The following ITGA4 variants were observed in gnomAD, a reference collection of about 807,000 sequenced individuals.
The protein encoded by ITGA4 is integrin alpha-4.
In ITGA4, 63 loss-of-function variants were observed where a neutral mutation model predicts 133.6. The observed-to-expected ratio is 0.47, with a 90% CI of 0.38 to 0.58. The LOEUF (loss-of-function observed/expected upper bound fraction) is 0.58. ITGA4 is among the 20% of genes least tolerant of loss of function. The pLI is 0.00. For missense variants in ITGA4, 1,076 were observed against 1,252.7 expected, an observed-to-expected ratio of 0.86 and a Z score of 2.13; for synonymous variants, 483 against 438.0, an observed-to-expected ratio of 1.10 and a Z score of -1.28.
intron 10 of ITGA4, among the ~76,000 whole-genome samples, chr2:181,492,369 C>G (rs1238872397): frequency 6.6e-6 from 1 of 152,010 alleles, no homozygotes; most frequent in African/African-American, 2.4e-5. Context: ...TATTTTTATC[C>G]TCATTGAAAT....
intron 2 of ITGA4, among the ~76,000 whole-genome samples, chr2:181,470,825 T>C (rs1047032254): frequency 6.6e-6 from 1 of 152,116 alleles, no homozygotes; most frequent in Non-Finnish European, 1.5e-5. Context: ...CAGTGAGCTA[T>C]GATCACGCCA....
intron 15 of ITGA4, among the ~76,000 whole-genome samples, chr2:181,506,649 C>G (rs1225311917): frequency 6.6e-6 from 1 of 151,970 alleles, no homozygotes; most frequent in Non-Finnish European, 1.5e-5. Context: ...TGTGTGTCAT[C>G]TTTATTAAAT....
At chr2:181,491,915 T>C (rs1233049369) in intron 10 of ITGA4, among the ~76,000 whole-genome samples, 1 of 152,264 alleles carries the variant, frequency 6.6e-6, no homozygotes, top group African/African-American at 2.4e-5. Flanking sequence ...GGCATTTCCC[T>C]GCCTCTAAAT....
At chr2:181,507,325 T>C (rs1050033710) in intron 15 of ITGA4, among the ~76,000 whole-genome samples, 5 of 152,156 alleles carry the variant, frequency 3.3e-5, no homozygotes, top group Admixed American at 1.3e-4. Flanking sequence ...AGATTTCTCA[T>C]CGACATGTCT....
intron 27 of ITGA4, 56 bp from the exon 28 acceptor site, chr2:181,535,376 G>A: frequency 2.3e-6 from 3 of 1,325,040 alleles, no homozygotes; most frequent in Non-Finnish European, 3.1e-6. Flanking sequence ...AATGAGTATA[G>A]TAGATAAGAG....
At chr2:181,505,138 G>T (rs1029243605) in intron 15 of ITGA4, among the ~76,000 whole-genome samples, 1 of 151,936 alleles carries the variant, frequency 6.6e-6, no homozygotes, top group Non-Finnish European at 1.5e-5. Flanking sequence ...ACATGCCTCT[G>T]TCAGAATATT....
intron 5 of ITGA4, chr2:181,479,179 AAAGG>A (rs1685746634): frequency 6.2e-6 from 1 of 162,092 alleles, no homozygotes; most frequent in African/African-American, 2.4e-5. Context: ...GTTGAGGGGC[AAAGG>A]AAGAATATCA....
At chr2:181,504,470 G>C (rs999753154) in intron 15 of ITGA4, among the ~76,000 whole-genome samples, 1 of 151,912 alleles carries the variant, frequency 6.6e-6, no homozygotes, top group Non-Finnish European at 1.5e-5. Flanking sequence ...CATGCACATA[G>C]TTTAATGAAA....
chr2:181,479,509 A>G (rs1392362137), intron 5 of ITGA4: 1 of 151,970 alleles, frequency 6.6e-6, no homozygotes, highest in East Asian at 1.9e-4. Context: ...GACTTTTTTT[A>G]AGTTTAGGAT....
At position 181,495,408 on chromosome 2, in the gene ITGA4, C is replaced by A. The variant is rs201091266; in HGVS notation, c.1377C>A (p.Val459=). The A allele has an allele frequency of 1.5e-5, 24 of 1,608,774 alleles. No individual in the cohort carries two copies. The highest frequency in any genetic ancestry group is 2.7e-5 in the African/African-American group (2 of 74,752). ...GTGCTTTTCGGTCTGATTCTGCTGT[C>A]TTGCTAAGGTAAGACTGATATATTT... ...AVGAFRSDSA[V]LLRTRPVVIV... is the part of the protein sequence containing the mutation. Residue 459 remains valine, a synonymous_variant, in exon 13 of 28, where the codon GTC becomes GTA. Transcript: ENST00000397033. This position sits in a 1 kb window ranked among gnomAD's most constrained non-coding sequence, Gnocchi z 4.3.
chr2:181,474,145 AAATT>A (rs1269487545), intron 2 of ITGA4, among the ~76,000 whole-genome samples: 1 of 152,208 alleles, frequency 6.6e-6, no homozygotes, highest in Non-Finnish European at 1.5e-5. Flanking sequence ...AACTTATTTA[AAATT>A]ACTTAACATG....
At position 181,537,834 on chromosome 2, in the gene ITGA4, C is replaced by G. The variant is rs1687243932; in HGVS notation, c.*2307C>G. 6.2e-6 allele frequency: 3 copies of G among 486,384 alleles called. No individual in the cohort carries two copies. Among genetic ancestry groups the G allele is most frequent in the Middle Eastern group, 1.2e-3 (2 of 1,606 alleles). 30.1% of individuals were successfully genotyped at this position (486,384 alleles called of 1,614,324 possible). A position where few individuals can be genotyped will look rare whatever the true frequency, so the allele number is the denominator to read the frequency against. Reference sequence around the variant, plus strand: ...CCTAGAGGCTAATTGTTAGTAACATCAATTTCTATTAGGATATCCGTTTGG... The same window carrying G: ...CCTAGAGGCTAATTGTTAGTAACATGAATTTCTATTAGGATATCCGTTTGG... On this transcript the variant is annotated 3_prime_UTR_variant, in exon 28 of 28. Coordinates refer to ENST00000397033, the MANE Select transcript of ITGA4 (RefSeq NM_000885.6).
At chr2:181,481,080 G>A (rs1559042261) in intron 6 of ITGA4, among the ~76,000 whole-genome samples, 1 of 152,076 alleles carries the variant, frequency 6.6e-6, no homozygotes, top group Non-Finnish European at 1.5e-5. Context: ...AGAAGAATTT[G>A]TTACAATTCA....
At chr2:181,520,503 C>T (rs1417265618) in intron 17 of ITGA4, among the ~76,000 whole-genome samples, 1 of 151,924 alleles carries the variant, frequency 6.6e-6, no homozygotes, top group Non-Finnish European at 1.5e-5. Flanking sequence ...AAATGACCCT[C>T]TGGCAGTGTG....
In ITGA4 at chr2:181,457,569, C is replaced by G; in HGVS notation, c.-86C>G. 8.3e-7 allele frequency: 1 copy of G among 1,211,378 alleles called. No homozygotes were observed. The highest frequency in any genetic ancestry group is 1.4e-5 in the South Asian group (1 of 71,452). 75.0% of individuals were successfully genotyped at this position (1,211,378 alleles called of 1,614,324 possible). On this transcript the variant is annotated 5_prime_UTR_variant, in exon 1 of 28. Coordinates refer to ENST00000397033, the MANE Select transcript of ITGA4 (RefSeq NM_000885.6). ...ACACGCTGCGCCTCATCTCTTGGGG[C>G]GTTCTTCCCCGTTGGCCAACCGTCG...
intron 10 of ITGA4, among the ~76,000 whole-genome samples, chr2:181,487,001 A>AT (rs1685936409): frequency 6.6e-6 from 1 of 152,222 alleles, no homozygotes. Flanking sequence ...ATTATTCTAC[A>AT]TAAAAAGTCA....
intron 2 of ITGA4, among the ~76,000 whole-genome samples, chr2:181,460,924 C>G (rs62191401): frequency 0.017 from 2,511 of 152,066 alleles, 37 homozygotes; most frequent in Middle Eastern, 0.037. Context: ...TCTGTGATTG[C>G]CATGTCAGTA....
At chr2:181,483,440 A>T (rs59310379) in intron 9 of ITGA4, among the ~76,000 whole-genome samples, 1 of 152,198 alleles carries the variant, frequency 6.6e-6, no homozygotes, top group African/African-American at 2.4e-5. Flanking sequence ...ATAATGGCAT[A>T]GCATTTTTCA....
chr2:181,508,890 C>T (rs1686445778), intron 15 of ITGA4, among the ~76,000 whole-genome samples: 1 of 151,626 alleles, frequency 6.6e-6, no homozygotes, highest in Non-Finnish European at 1.5e-5. Context: ...CACCTGTAAT[C>T]CCAGCTCTTT....
Sources: allele counts gnomAD v4.1 joint callset (sites outside exome capture counted in the v4.1 genomes callset), GRCh38; gene constraint gnomAD v4.1.1; non-coding constraint Gnocchi (gnomAD v3.1); transcripts MANE v1.5; gene names NCBI Gene and HGNC (gene_info 2026-07-23, HGNC 2026-07-21).